GYPE: variants seen among roughly 807,000 people sequenced by gnomAD.
GYPE encodes the protein glycophorin E (MNS blood group), also known as glycophorin-E.
GYPE carries 8 observed loss-of-function variants against 11.6 expected under a neutral mutation model. The observed-to-expected ratio is 0.69, with a 90% CI of 0.41 to 1.25. The LOEUF (loss-of-function observed/expected upper bound fraction) is 1.25, where lower values mean the gene tolerates loss of function less well. Ranked by LOEUF, GYPE falls within the 50% of genes most tolerant of loss-of-function variation. The pLI is 0.01. For synonymous variants in GYPE, 28 were observed against 29.6 expected, an observed-to-expected ratio of 0.94 and a Z score of 0.18; for missense variants, 90 against 92.8, an observed-to-expected ratio of 0.97 and a Z score of 0.12.
Position 143,871,313 on chromosome 4 carries a change from A to C in GYPE, c.*949T>G, listed in dbSNP as rs891342721. 6.6e-6 allele frequency: 1 copy of C among 152,234 alleles called. No individual in the cohort carries two copies. The highest frequency in any genetic ancestry group is 2.1e-4 in the South Asian group (1 of 4,808). 9.4% of individuals were successfully genotyped at this position (152,234 alleles called of 1,614,324 possible). A position where few individuals can be genotyped will look rare whatever the true frequency, so the allele number is the denominator to read the frequency against. ...TGGTGTTTTTATGGTTACGGGTGGCATATAATATACAGGTAAGCCAATGTT... is the reference window on the plus strand; with the variant it reads ...TGGTGTTTTTATGGTTACGGGTGGCCTATAATATACAGGTAAGCCAATGTT... On this transcript the variant is annotated 3_prime_UTR_variant, in exon 4 of 4. Transcript: ENST00000358615.
Position 143,883,571 on chromosome 4 carries a change from A to G in GYPE, c.38-3062T>C, listed in dbSNP as rs1261128900. On this transcript the variant is annotated intron_variant, in intron 1 of 3. Transcript: ENST00000358615. Reference sequence around the variant, plus strand: ...AAATTAATTTATAATTATTAATAACATGTAATTAATTATGAATTAATAATT... The same window carrying G: ...AAATTAATTTATAATTATTAATAACGTGTAATTAATTATGAATTAATAATT... Among the ~76,000 whole-genome samples the G allele has an allele frequency of 4.6e-4, 66 of 144,724 alleles. 1 individual carries two copies. The highest frequency in any genetic ancestry group is 8.1e-4 in the Non-Finnish European group (53 of 65,722). 94.9% of individuals were successfully genotyped at this position (144,724 alleles called of 152,430 possible).
chr4:143,876,821 A>T lies in GYPE; in HGVS notation c.171T>A (p.Arg57=). ...ITLINWWAMA[R]VIFEVMLVVV... is the part of the protein sequence containing the mutation. The stretch of plus-strand genomic sequence containing the variant: ...CAACAAGCATCACCTCAAAAATAAC[A>T]CGAGCCATCGCCCACCAATTAATGA... Residue 57 remains arginine, a synonymous_variant, in exon 3 of 4, where the codon CGT becomes CGA. Coordinates refer to ENST00000358615, the MANE Select transcript of GYPE (RefSeq NM_198682.3). 6.2e-7 allele frequency: 1 copy of T among 1,611,252 alleles called. No individual in the cohort carries two copies. Among genetic ancestry groups the T allele is most frequent in the Non-Finnish European group, 8.5e-7 (1 of 1,177,904 alleles).
intron 1 of GYPE, among the ~76,000 whole-genome samples, chr4:143,881,722 G>T (rs886880026): frequency 6.6e-6 from 1 of 152,122 alleles, no homozygotes; most frequent in African/African-American, 2.4e-5. Context: ...GCATTCATGT[G>T]TTTTTCACTC....
intron 3 of GYPE, among the ~76,000 whole-genome samples, chr4:143,875,790 G>A (rs74531304): frequency 1.3e-3 from 189 of 143,952 alleles, no homozygotes; most frequent in South Asian, 2.4e-3. Flanking sequence ...CCAACACAGC[G>A]AAACCCCATC....
intron 2 of GYPE, 84 bp from the exon 3 acceptor site, chr4:143,876,939 A>G (rs1423369354): frequency 1.3e-6 from 1 of 762,818 alleles, no homozygotes; most frequent in Non-Finnish European, 2.4e-6. Context: ...TAACATCAGC[A>G]TAACATCACC....
rs1743825673 is a variant in GYPE, at chr4:143,876,758, T to G, written c.234A>C (p.Arg78=). 6 of 1,571,034 alleles carry G rather than the reference T, an allele frequency of 3.8e-6. No homozygotes were observed. Among genetic ancestry groups the G allele is most frequent in the East Asian group, 2.2e-5 (1 of 44,498 alleles). Residue 78 remains arginine (R), a synonymous_variant, in exon 3 of 4, where the codon CGA becomes CGC. Coordinates refer to ENST00000358615, the MANE Select transcript of GYPE (RefSeq NM_198682.3). ...GMIILISYCI[R] ...ACTGAATTCTCACCTTTATCAGTCATCGAATACAGTAAGAAATTAAGATGA... is the reference window on the plus strand; with the variant it reads ...ACTGAATTCTCACCTTTATCAGTCAGCGAATACAGTAAGAAATTAAGATGA...
chr4:143,877,222 A>G (rs1184377641), intron 2 of GYPE, among the ~76,000 whole-genome samples: 6 of 152,202 alleles, frequency 3.9e-5, no homozygotes, highest in Non-Finnish European at 7.3e-5. Context: ...TAGTTTGGAA[A>G]TTATGAGAGA....
At chr4:143,876,359 CT>C (rs1417847914) in intron 3 of GYPE, among the ~76,000 whole-genome samples, 1 of 152,138 alleles carries the variant, frequency 6.6e-6, no homozygotes, top group Non-Finnish European at 1.5e-5. Context: ...AACAATCCTC[CT>C]GCCTTGGCCT....
intron 1 of GYPE, among the ~76,000 whole-genome samples, chr4:143,898,558 C>T (rs1463088956): frequency 4.6e-5 from 7 of 152,012 alleles, no homozygotes; most frequent in South Asian, 2.1e-4. Context: ...AATATAGCAA[C>T]GAGAAACATA....
intron 1 of GYPE, among the ~76,000 whole-genome samples, chr4:143,900,969 T>C (rs1426738604): frequency 2.6e-5 from 4 of 152,198 alleles, no homozygotes; most frequent in Admixed American, 6.5e-5. Flanking sequence ...ATGGTTCAAA[T>C]GGTAAACTTA....
intron 3 of GYPE, among the ~76,000 whole-genome samples, chr4:143,875,158 TA>T: frequency 6.6e-6 from 1 of 152,302 alleles, no homozygotes; most frequent in East Asian, 1.9e-4. Flanking sequence ...GACAGCCACC[TA>T]ATGAGAGTCC....
chr4:143,876,251 C>A (rs1208600887), intron 3 of GYPE, among the ~76,000 whole-genome samples: 1 of 152,074 alleles, frequency 6.6e-6, no homozygotes, highest in Non-Finnish European at 1.5e-5. Flanking sequence ...GTGGCTGATA[C>A]TACACGTGTG....
chr4:143,901,469 G>A (rs1328500596), intron 1 of GYPE, among the ~76,000 whole-genome samples: 1 of 16,742 alleles, frequency 6.0e-5, no homozygotes, highest in African/African-American at 6.5e-5. Context: ...AGATACACCC[G>A]GAATTTTTTT....
At chr4:143,894,311 G>T (rs982954528) in intron 1 of GYPE, among the ~76,000 whole-genome samples, 1 of 152,106 alleles carries the variant, frequency 6.6e-6, no homozygotes, top group Non-Finnish European at 1.5e-5. Context: ...CTCTCAATTC[G>T]TCAAAGTCAT....
chr4:143,903,757 T>G (rs535667566), intron 1 of GYPE, among the ~76,000 whole-genome samples: 2 of 152,058 alleles, frequency 1.3e-5, no homozygotes, highest in South Asian at 4.2e-4. Context: ...CTTTATTAAG[T>G]GCCATTTAAG....
At chr4:143,898,331 C>T (rs1744739391) in intron 1 of GYPE, among the ~76,000 whole-genome samples, 5 of 152,088 alleles carry the variant, frequency 3.3e-5, no homozygotes, top group South Asian at 2.1e-4. Flanking sequence ...GAGCTGAGAT[C>T]GTGCCACTGC....
Position 143,898,511 on chromosome 4 carries a change from A to G in GYPE, c.37+6960T>C, listed in dbSNP as rs553296876. Among the ~76,000 whole-genome samples the G allele has an allele frequency of 2.2e-4, 34 of 152,352 alleles. No individual in the cohort carries two copies. The South Asian group carries it at 6.6e-3, about 30-fold the overall frequency. On this transcript the variant is annotated intron_variant, in intron 1 of 3. Coordinates refer to ENST00000358615, the MANE Select transcript of GYPE (RefSeq NM_198682.3). Reference sequence around the variant, plus strand: ...GTGTCATTAAGCAATATATTTCACAATGATTCTTAAGTAATTATGGACCAT... The same window carrying G: ...GTGTCATTAAGCAATATATTTCACAGTGATTCTTAAGTAATTATGGACCAT...
At chr4:143,899,091 T>C (rs1318618167) in intron 1 of GYPE, among the ~76,000 whole-genome samples, 3 of 147,416 alleles carry the variant, frequency 2.0e-5, no homozygotes, top group African/African-American at 5.1e-5. Context: ...AGCAAAAGGC[T>C]AACATAACAG....
intron 1 of GYPE, among the ~76,000 whole-genome samples, chr4:143,885,003 A>G (rs1744180460): frequency 6.6e-6 from 1 of 151,062 alleles, no homozygotes; most frequent in Non-Finnish European, 1.5e-5. Flanking sequence ...AAAAAAAAAC[A>G]TGCCAGAGCT....
Sources: allele counts gnomAD v4.1 joint callset (sites outside exome capture counted in the v4.1 genomes callset), GRCh38; gene constraint gnomAD v4.1.1; transcripts MANE v1.5; gene names NCBI Gene and HGNC (gene_info 2026-07-23, HGNC 2026-07-21).